NRG1: variants seen among roughly 807,000 people sequenced by gnomAD.
NRG1 encodes neuregulin 1.
A neutral mutation model predicts 63.8 loss-of-function variants in NRG1; 18 were observed. That is an observed-to-expected ratio of 0.28 (90% confidence interval 0.19 to 0.42). NRG1 has a LOEUF of 0.42. Among genes scored for constraint, NRG1 ranks in the 10% least tolerant of loss-of-function variants. NRG1 has a pLI of 1.00. For missense variants in NRG1, 762 were observed against 814.7 expected (o/e 0.94, Z 0.79); for synonymous variants, 302 against 301.3 (o/e 1.00, Z -0.02).
chr8:31,700,147 A>T (rs1810488056), intron 1 of NRG1, among the ~76,000 whole-genome samples: 1 of 152,114 alleles, frequency 6.6e-6, no homozygotes, highest in Admixed American at 6.6e-5. Context: ...CCTTTAAGAA[A>T]AATGTGCAGG....
At chr8:32,699,310 G>A (rs552278600) in intron 5 of NRG1, among the ~76,000 whole-genome samples, 14 of 152,290 alleles carry the variant, frequency 9.2e-5, no homozygotes, top group African/African-American at 3.4e-4. Flanking sequence ...CTGTTCTGTA[G>A]TTGACGGTGA....
chr8:32,033,253 C>T (rs1818553046), intron 1 of NRG1, among the ~76,000 whole-genome samples: 1 of 151,902 alleles, frequency 6.6e-6, no homozygotes, highest in Admixed American at 6.6e-5. Flanking sequence ...CACCACCATG[C>T]CTGGAGATGT....
chr8:32,729,249 C>G (rs1449352969), intron 6 of NRG1, among the ~76,000 whole-genome samples: 1 of 151,946 alleles, frequency 6.6e-6, no homozygotes, highest in Non-Finnish European at 1.5e-5. Context: ...GATATTTAGT[C>G]TACATATGGT....
intron 1 of NRG1, among the ~76,000 whole-genome samples, chr8:32,393,103 A>AAAC (rs760529224): frequency 1.9e-4 from 29 of 152,192 alleles, no homozygotes; most frequent in African/African-American, 3.9e-4. Flanking sequence ...TTGCCTTTAA[A>AAAC]AACAACAACA....
intron 1 of NRG1, among the ~76,000 whole-genome samples, chr8:31,860,855 C>G (rs1828407681): frequency 6.6e-6 from 1 of 152,188 alleles, no homozygotes; most frequent in African/African-American, 2.4e-5. Context: ...CAAAAACTTT[C>G]AAAACCACTT....
At chr8:31,758,651 A>G (rs538951498) in intron 1 of NRG1, among the ~76,000 whole-genome samples, 36 of 152,240 alleles carry the variant, frequency 2.4e-4, no homozygotes, top group African/African-American at 6.7e-4. Flanking sequence ...AGTAGTTTAT[A>G]TCTTCCATTG....
intron 1 of NRG1, among the ~76,000 whole-genome samples, chr8:31,735,539 G>T (rs1814575762): frequency 1.3e-5 from 2 of 152,144 alleles, no homozygotes; most frequent in South Asian, 4.2e-4. Flanking sequence ...TAGTCTTTAA[G>T]TGGAACCTCA....
intron 1 of NRG1, among the ~76,000 whole-genome samples, chr8:31,820,665 GA>G (rs1376186256): frequency 6.6e-6 from 1 of 152,148 alleles, no homozygotes; most frequent in Non-Finnish European, 1.5e-5. Flanking sequence ...CTAGAATTAT[GA>G]GCATTGGAAC....
chr8:31,736,055 A>G (rs1019321635), intron 1 of NRG1, among the ~76,000 whole-genome samples: 3 of 152,108 alleles, frequency 2.0e-5, no homozygotes, highest in African/African-American at 4.8e-5. Context: ...CAAACCCTCC[A>G]TGAACTTCTG....
chr8:32,504,461 T>C (rs1328297067), intron 1 of NRG1, among the ~76,000 whole-genome samples: 1 of 152,212 alleles, frequency 6.6e-6, no homozygotes, highest in Non-Finnish European at 1.5e-5. Context: ...GCAATACTTA[T>C]AAGCGTTTTT....
intron 1 of NRG1, among the ~76,000 whole-genome samples, chr8:32,198,614 G>A (rs1378800749): frequency 6.6e-6 from 1 of 152,180 alleles, no homozygotes; most frequent in East Asian, 1.9e-4. Context: ...TTGAAAGAAA[G>A]GATAGGAGGA....
At chr8:32,406,569 A>AG (rs1254559839) in intron 1 of NRG1, among the ~76,000 whole-genome samples, 1 of 9,788 alleles carries the variant, frequency 1.0e-4, no homozygotes, top group African/African-American at 1.1e-4. Flanking sequence ...TAATGGAATT[A>AG]TTTTTACAGA....
In NRG1 at chr8:31,818,451, T is replaced by C. The variant is rs117958922; in HGVS notation, c.37+179020T>C. Reference sequence around the variant, plus strand: ...TTTTTGGCACCAGGAACCAGTATCATGGAAGGTAATTTTGCCATGGAGTGG... The same window carrying C: ...TTTTTGGCACCAGGAACCAGTATCACGGAAGGTAATTTTGCCATGGAGTGG... On this transcript the variant is annotated intron_variant, in intron 1 of 10. Transcript: ENST00000519301. Among the ~76,000 whole-genome samples the C allele has an allele frequency of 8.2e-3, 1,252 of 152,272 alleles. 49 individuals are homozygous for C. In the South Asian group the frequency reaches 0.12, roughly 14 times the overall value.
intron 1 of NRG1, among the ~76,000 whole-genome samples, chr8:32,470,173 G>C (rs548210436): frequency 2.1e-4 from 28 of 135,402 alleles, no homozygotes; most frequent in African/African-American, 7.1e-4. Context: ...GAGCCCGGCC[G>C]AAAAGGACTC....
At chr8:32,255,039 A>G (rs1371155520) in intron 1 of NRG1, among the ~76,000 whole-genome samples, 2 of 151,988 alleles carry the variant, frequency 1.3e-5, no homozygotes, top group Non-Finnish European at 2.9e-5. Context: ...TGCTTTCCAT[A>G]TCTTGGTAAA....
chr8:31,780,270 C>G (rs1323029275), intron 1 of NRG1, among the ~76,000 whole-genome samples: 4 of 152,258 alleles, frequency 2.6e-5, no homozygotes, highest in African/African-American at 9.6e-5. Context: ...GGTTAGCTAG[C>G]TTGTTTACTT....
intron 1 of NRG1, among the ~76,000 whole-genome samples, chr8:32,315,502 A>G (rs1000890622): frequency 1.3e-5 from 2 of 152,188 alleles, no homozygotes; most frequent in African/African-American, 4.8e-5. Flanking sequence ...GGTTGGTTCC[A>G]TGTCTTTGCT....
intron 1 of NRG1, among the ~76,000 whole-genome samples, chr8:32,199,304 T>A (rs1240405918): frequency 6.6e-6 from 1 of 152,200 alleles, no homozygotes; most frequent in Non-Finnish European, 1.5e-5. Flanking sequence ...TAATTCCAGC[T>A]AGATACTTTC....
chr8:32,571,241 C>T (rs4236710), intron 1 of NRG1, among the ~76,000 whole-genome samples: 88,608 of 152,052 alleles, frequency 0.58, 26,429 homozygotes, highest in East Asian at 0.85. Flanking sequence ...GGCCCTATTA[C>T]TAATTTCTGC....
Sources: gnomAD v4.1 joint callset for allele counts (sites outside exome capture counted in the v4.1 genomes callset) on GRCh38, gnomAD v4.1.1 for gene constraint, MANE v1.5 for transcripts, NCBI Gene and HGNC (gene_info 2026-07-23, HGNC 2026-07-21) for gene names.